FRYL: variants seen among roughly 807,000 people sequenced by gnomAD.
FRYL encodes the protein FRY like transcription coactivator.
A neutral mutation model predicts 351.2 loss-of-function variants in FRYL; 150 were observed. The observed-to-expected ratio is 0.43, with a 90% CI of 0.37 to 0.49. The LOEUF is 0.49. Ranked by LOEUF, FRYL falls within the 20% of genes least tolerant of loss-of-function variation. FRYL has a pLI of 0.00. For missense variants in FRYL, 3,036 were observed against 3,619.3 expected (o/e 0.84, Z 4.13); for synonymous variants, 1,153 against 1,257.1 (o/e 0.92, Z 1.75).
chr4:48,661,623 A>T (rs1429589718), intron 3 of FRYL, among the ~76,000 whole-genome samples: 1 of 152,218 alleles, frequency 6.6e-6, no homozygotes, highest in Non-Finnish European at 1.5e-5. Context: ...TCTGCAAGTA[A>T]CTGCCTTCCA....
chr4:48,507,125 G>GTTGA (rs1475767354), intron 59 of FRYL, among the ~76,000 whole-genome samples: 6 of 152,108 alleles, frequency 3.9e-5, no homozygotes, highest in African/African-American at 1.4e-4. Context: ...AATAATTTCA[G>GTTGA]TTGATTATTT....
Position 48,567,953 on chromosome 4 carries a change from T to C in FRYL, c.2997-533A>G, listed in dbSNP as rs886617921. On this transcript the variant is annotated intron_variant, in intron 27 of 63. Transcript: ENST00000358350. This position sits in a 1 kb window ranked among gnomAD's most constrained non-coding sequence, Gnocchi z 4.2. ...CTGGGTTTCAAAACCTTTCTATACC[T>C]ATGAAATTGCCTTTAAGAATATCTG... is the stretch of plus-strand genomic sequence containing the variant. Among the ~76,000 whole-genome samples the C allele has an allele frequency of 6.6e-6, 1 of 152,208 alleles. No individual in the cohort carries two copies. The highest frequency in any genetic ancestry group is 2.4e-5 in the African/African-American group (1 of 41,464).
Position 48,543,852 on chromosome 4 carries a change from G to A in FRYL, c.5547C>T (p.Leu1849=). 1 of 1,613,806 alleles carries A rather than the reference G, an allele frequency of 6.2e-7. No individual in the cohort carries two copies. The change falls in exon 44 of 64, where the codon CTC becomes CTT. Residue 1849 remains leucine, a synonymous_variant. Transcript: ENST00000358350. ...PLTATTLSDV[L]SRLVETVGDP... ...CCCCTACAGTTTCTACAAGTCTGGA[G>A]AGAACATCAGAAAGTGTAGTTGCAG...
At chr4:48,685,305 A>G (rs751800881) in intron 2 of FRYL, among the ~76,000 whole-genome samples, 4 of 152,202 alleles carry the variant, frequency 2.6e-5, no homozygotes, top group Admixed American at 2.0e-4. Flanking sequence ...TCTCATAAGT[A>G]TCTTTTTAAC....
chr4:48,764,467 G>A (rs985530428), intron 1 of FRYL, among the ~76,000 whole-genome samples: 1 of 151,050 alleles, frequency 6.6e-6, no homozygotes, highest in African/African-American at 2.4e-5. Flanking sequence ...GGAGGTCAAG[G>A]CTCCAGTGAG....
chr4:48,541,748 G>A (rs1224399237), intron 45 of FRYL, among the ~76,000 whole-genome samples: 1 of 152,130 alleles, frequency 6.6e-6, no homozygotes, highest in Non-Finnish European at 1.5e-5. Flanking sequence ...CCAGACAGCT[G>A]GGGGAGAAAC....
At chr4:48,668,038 T>C (rs1264201694) in intron 3 of FRYL, among the ~76,000 whole-genome samples, 1 of 152,190 alleles carries the variant, frequency 6.6e-6, no homozygotes, top group Admixed American at 6.5e-5. Context: ...GCTTAGGGGT[T>C]GGAAAACTGA....
At chr4:48,510,490 A>G (rs1234234895) in intron 58 of FRYL, among the ~76,000 whole-genome samples, 3 of 152,222 alleles carry the variant, frequency 2.0e-5, no homozygotes, top group Admixed American at 2.0e-4. Context: ...TTAGAAATAA[A>G]TCAGGAAATG....
chr4:48,669,689 C>T (rs201347114), intron 3 of FRYL, among the ~76,000 whole-genome samples: 5 of 36,468 alleles, frequency 1.4e-4, no homozygotes, highest in African/African-American at 7.8e-4. Context: ...TTATATATCC[C>T]TTATATTATT....
intron 32 of FRYL, among the ~76,000 whole-genome samples, chr4:48,562,240 G>A (rs1486088957): frequency 2.0e-5 from 3 of 150,966 alleles, no homozygotes; most frequent in African/African-American, 7.3e-5. Context: ...AGGACCTTTC[G>A]ACATTACACT....
At chr4:48,701,667 C>T (rs1356702518) in intron 2 of FRYL, among the ~76,000 whole-genome samples, 1 of 152,196 alleles carries the variant, frequency 6.6e-6, no homozygotes, top group Non-Finnish European at 1.5e-5. Flanking sequence ...TAAACTAATC[C>T]TTGTCAATAG....
In FRYL at chr4:48,582,533, T is replaced by C. The variant is rs1187628903; in HGVS notation, c.1950A>G (p.Gln650=). ...MLVQLINQWK[Q]AAQMHNKNQD... The stretch of plus-strand genomic sequence containing the variant: ...GGTTTTTATTATGCATTTGGGCTGC[T>C]TGTTTCCACTGATTTATTAATTGTA... Residue 650 remains glutamine (Q), a synonymous_variant, in exon 20 of 64, where the codon CAA becomes CAG. Coordinates refer to ENST00000358350, the MANE Select transcript of FRYL (RefSeq NM_015030.2). 2 of 1,614,054 alleles carry C rather than the reference T, an allele frequency of 1.2e-6. No individual in the cohort carries two copies. Among genetic ancestry groups the C allele is most frequent in the East Asian group, 2.2e-5 (1 of 44,872 alleles).
intron 4 of FRYL, among the ~76,000 whole-genome samples, chr4:48,623,789 G>C (rs935866189): frequency 6.6e-6 from 1 of 151,682 alleles, no homozygotes; most frequent in Non-Finnish European, 1.5e-5. Flanking sequence ...AACCTCACTC[G>C]TAAGAGAAAT....
intron 2 of FRYL, among the ~76,000 whole-genome samples, chr4:48,704,176 C>G (rs1373256195): frequency 1.3e-5 from 2 of 151,686 alleles, no homozygotes; most frequent in Non-Finnish European, 2.9e-5. Context: ...AAAAAGAAAA[C>G]AAAGACAAGA....
intron 62 of FRYL, 48 bp downstream of exon 62, chr4:48,501,575 A>C (rs746759845): frequency 9.6e-7 from 1 of 1,046,200 alleles, no homozygotes; most frequent in Non-Finnish European, 1.5e-6. Context: ...TTTATTTTAA[A>C]ATTTTTTTAG....
Position 48,528,208 on chromosome 4 carries a change from A to G in FRYL, c.7032T>C (p.Val2344=). The G allele has an allele frequency of 1.9e-6, 3 of 1,613,304 alleles. No homozygotes were observed. Among genetic ancestry groups the G allele is most frequent in the Non-Finnish European group, 2.5e-6 (3 of 1,179,462 alleles). Residue 2344 remains valine, a synonymous_variant, in exon 51 of 64, where the codon GTT becomes GTC. Transcript: ENST00000358350. ...ACTGTGGCCTTTTCCAACTAACAGG[A>G]ACCAAGGCATTAGAATTAGAACCAG... ...TSSGSNSNAL[V]PVSWKRPQLS...
intron 2 of FRYL, among the ~76,000 whole-genome samples, chr4:48,691,288 A>G (rs1272066098): frequency 6.6e-6 from 1 of 152,214 alleles, no homozygotes; most frequent in Non-Finnish European, 1.5e-5. Context: ...CGTTCATTGT[A>G]CTATTATTCC....
chr4:48,717,178 C>T (rs1234386789), intron 1 of FRYL, among the ~76,000 whole-genome samples: 3 of 150,218 alleles, frequency 2.0e-5, no homozygotes, highest in East Asian at 2.0e-4. Flanking sequence ...TGGTAGATGA[C>T]GAGTTAGTGG....
At chr4:48,621,038 C>G (rs528125701) in intron 5 of FRYL, among the ~76,000 whole-genome samples, 1 of 152,174 alleles carries the variant, frequency 6.6e-6, no homozygotes, top group Non-Finnish European at 1.5e-5. Flanking sequence ...GCCACTCGCA[C>G]ATGTAAAAAC....
Sources: gnomAD v4.1 joint callset for allele counts (sites outside exome capture counted in the v4.1 genomes callset) on GRCh38, gnomAD v4.1.1 for gene constraint, Gnocchi (gnomAD v3.1) non-coding constraint, MANE v1.5 for transcripts, NCBI Gene and HGNC (gene_info 2026-07-23, HGNC 2026-07-21) for gene names.